The following ROBO2 variants were observed in gnomAD, a reference collection of about 807,000 sequenced individuals.
The protein encoded by ROBO2 is roundabout guidance receptor 2, also known as roundabout homolog 2.
Under a neutral mutation model 160.8 loss-of-function variants are expected in ROBO2, and 53 were observed. That is an observed-to-expected ratio of 0.33 (90% CI 0.26 to 0.41). ROBO2 has a LOEUF of 0.41. ROBO2 is among the 10% of genes least tolerant of loss of function. ROBO2 has a pLI of 1.00. For missense variants in ROBO2, 1,577 were observed against 1,722.4 expected, an observed-to-expected ratio of 0.92 and a Z score of 1.49; for synonymous variants, 664 against 611.7, an observed-to-expected ratio of 1.09 and a Z score of -1.26.
chr3:77,135,873 G>A (rs1173256842), intron 2 of ROBO2, among the ~76,000 whole-genome samples: 2 of 151,734 alleles, frequency 1.3e-5, no homozygotes, highest in Admixed American at 6.6e-5. Flanking sequence ...ACAAACAAAC[G>A]AACAAAAAAC....
chr3:77,130,403 C>T (rs2075746165), intron 2 of ROBO2, among the ~76,000 whole-genome samples: 1 of 151,326 alleles, frequency 6.6e-6, no homozygotes, highest in Non-Finnish European at 1.5e-5. Flanking sequence ...TTTCCATAAT[C>T]TAAAATAAAT....
intron 2 of ROBO2, among the ~76,000 whole-genome samples, chr3:76,026,988 G>C (rs2107687939): frequency 6.6e-6 from 1 of 152,060 alleles, no homozygotes; most frequent in Non-Finnish European, 1.5e-5. Context: ...TCTGAGGACT[G>C]CGCTGGGACA....
At chr3:76,445,125 G>GT (rs2077112378) in intron 2 of ROBO2, among the ~76,000 whole-genome samples, 1 of 152,078 alleles carries the variant, frequency 6.6e-6, no homozygotes, top group African/African-American at 2.4e-5. Context: ...AGAAGGGAAA[G>GT]ATATTTTCTA....
chr3:76,448,962 C>G (rs1356516489), intron 2 of ROBO2, among the ~76,000 whole-genome samples: 1 of 147,254 alleles, frequency 6.8e-6, no homozygotes, highest in African/African-American at 2.5e-5. Flanking sequence ...ACACTACGTT[C>G]CATACAAGGG....
At chr3:76,058,904 G>GT (rs1680630858) in intron 2 of ROBO2, among the ~76,000 whole-genome samples, 1 of 148,450 alleles carries the variant, frequency 6.7e-6, no homozygotes, top group African/African-American at 2.5e-5. Context: ...GTGGTGTTTG[G>GT]TTTTTTGTCT....
chr3:76,645,949 T>G (rs1330807208), intron 2 of ROBO2, among the ~76,000 whole-genome samples: 1 of 152,136 alleles, frequency 6.6e-6, no homozygotes, highest in Non-Finnish European at 1.5e-5. Flanking sequence ...CACTGTGTCT[T>G]GTTTGTATTT....
chr3:76,810,971 T>C (rs1386438383), intron 2 of ROBO2, among the ~76,000 whole-genome samples: 2 of 152,188 alleles, frequency 1.3e-5, no homozygotes, highest in Non-Finnish European at 2.9e-5. Flanking sequence ...TAATGAACCA[T>C]TTTAATCAGT....
intron 2 of ROBO2, among the ~76,000 whole-genome samples, chr3:77,204,546 T>A (rs1388423878): frequency 6.6e-6 from 1 of 152,190 alleles, no homozygotes; most frequent in Non-Finnish European, 1.5e-5. Flanking sequence ...AAAATCTATA[T>A]GTTTAAGTTT....
At chr3:76,969,195 G>T (rs1473065309) in intron 2 of ROBO2, among the ~76,000 whole-genome samples, 4 of 152,110 alleles carry the variant, frequency 2.6e-5, no homozygotes, top group Non-Finnish European at 5.9e-5. Flanking sequence ...CTTATCTATT[G>T]CAGATTTTAG....
At chr3:76,447,074 C>A (rs1485797270) in intron 2 of ROBO2, among the ~76,000 whole-genome samples, 1 of 152,084 alleles carries the variant, frequency 6.6e-6, no homozygotes, top group East Asian at 1.9e-4. Context: ...TTCTGCACAG[C>A]AAAAGAAACT....
intron 2 of ROBO2, among the ~76,000 whole-genome samples, chr3:76,363,928 C>T (rs1027025554): frequency 6.6e-6 from 1 of 151,994 alleles, no homozygotes; most frequent in Non-Finnish European, 1.5e-5. Context: ...CCACTTAAAC[C>T]TTGGTCACAG....
chr3:76,987,694 T>TA (rs1431842470), intron 2 of ROBO2, among the ~76,000 whole-genome samples: 2 of 152,178 alleles, frequency 1.3e-5, no homozygotes, highest in African/African-American at 4.8e-5. Context: ...GTTTCTTTAA[T>TA]ACCCCCTTTC....
chr3:76,194,350 GTAAA>G (rs1451091064), intron 2 of ROBO2, among the ~76,000 whole-genome samples: 1,050 of 42,008 alleles, frequency 0.025, 42 homozygotes, highest in South Asian at 0.065. Flanking sequence ...TGTATGGTGT[GTAAA>G]TATATATATA....
intron 2 of ROBO2, among the ~76,000 whole-genome samples, chr3:77,158,564 G>A (rs1189330542): frequency 1.3e-5 from 2 of 151,848 alleles, no homozygotes; most frequent in African/African-American, 4.9e-5. Flanking sequence ...AGGGCCAGGG[G>A]ATAAATACCT....
chr3:77,017,506 C>T (rs113506737), intron 2 of ROBO2, among the ~76,000 whole-genome samples: 23 of 152,182 alleles, frequency 1.5e-4, no homozygotes, highest in African/African-American at 5.3e-4. Flanking sequence ...ATGAAAAGTG[C>T]ACCAGAGCTG....
At chr3:77,397,530 C>T (rs755887195) in intron 2 of ROBO2, among the ~76,000 whole-genome samples, 49 of 152,054 alleles carry the variant, frequency 3.2e-4, no homozygotes, top group Non-Finnish European at 1.8e-4. Context: ...AGTGTGAATG[C>T]GATTAGTTAC....
intron 2 of ROBO2, among the ~76,000 whole-genome samples, chr3:76,273,834 C>G (rs1289974056): frequency 6.6e-6 from 1 of 152,068 alleles, no homozygotes; most frequent in Non-Finnish European, 1.5e-5. Context: ...GTGGGGACAC[C>G]ACAAAACCAT....
At chr3:76,366,711 A>G (rs145915614) in intron 2 of ROBO2, among the ~76,000 whole-genome samples, 7 of 152,128 alleles carry the variant, frequency 4.6e-5, no homozygotes, top group African/African-American at 1.7e-4. Flanking sequence ...GTTTTCTCAG[A>G]TATTTATAGT....
chr3:76,926,274 C>A (rs2076984002), intron 2 of ROBO2, among the ~76,000 whole-genome samples: 1 of 152,086 alleles, frequency 6.6e-6, no homozygotes, highest in African/African-American at 2.4e-5. Context: ...GGTATTTGAG[C>A]ACATCCTTTT....
Sources: allele counts gnomAD v4.1 joint callset (sites outside exome capture counted in the v4.1 genomes callset), GRCh38; gene constraint gnomAD v4.1.1; transcripts MANE v1.5; gene names NCBI Gene and HGNC (gene_info 2026-07-23, HGNC 2026-07-21).